Variants in COG5 observed in about 807,000 individuals in gnomAD.
COG5 encodes component of oligomeric golgi complex 5, also known as conserved oligomeric Golgi complex subunit 5.
In COG5, 86 loss-of-function variants were observed where a neutral mutation model predicts 110.4. The ratio of observed to expected loss-of-function variants is 0.78; its 90% CI spans 0.65 to 0.93. COG5 has a LOEUF of 0.93. COG5 is among the 40% of genes least tolerant of loss of function. COG5 has a pLI of 0.00. For synonymous variants in COG5, 360 were observed against 334.6 expected, an observed-to-expected ratio of 1.08 and a Z score of -0.83; for missense variants, 1,077 against 987.0, an observed-to-expected ratio of 1.09 and a Z score of -1.22.
intron 11 of COG5, among the ~76,000 whole-genome samples, chr7:107,311,362 G>A (rs766510726): frequency 1.5e-5 from 2 of 130,826 alleles, no homozygotes; most frequent in South Asian, 2.5e-4. Flanking sequence ...GATATCGAGC[G>A]TATTTACATT....
chr7:107,493,391 C>T (rs1219315429), intron 6 of COG5, among the ~76,000 whole-genome samples: 1 of 152,124 alleles, frequency 6.6e-6, no homozygotes, highest in Non-Finnish European at 1.5e-5. Context: ...AAATACTGAG[C>T]AATTGTATCA....
At chr7:107,360,457 T>C (rs1584727276) in intron 10 of COG5, among the ~76,000 whole-genome samples, 1 of 152,060 alleles carries the variant, frequency 6.6e-6, no homozygotes, top group Non-Finnish European at 1.5e-5. Flanking sequence ...CTCACCACAT[T>C]CTGGGCAACA....
At chr7:107,470,647 T>C (rs1796580301) in intron 6 of COG5, among the ~76,000 whole-genome samples, 1 of 152,120 alleles carries the variant, frequency 6.6e-6, no homozygotes, top group African/African-American at 2.4e-5. Flanking sequence ...AATACAAATA[T>C]TCTTTGTAAA....
At chr7:107,365,495 A>C (rs1813519164) in intron 8 of COG5, among the ~76,000 whole-genome samples, 1 of 151,100 alleles carries the variant, frequency 6.6e-6, no homozygotes, top group Admixed American at 6.7e-5. Flanking sequence ...TGCTCTTAAA[A>C]CCAATTGTAA....
intron 10 of COG5, among the ~76,000 whole-genome samples, chr7:107,333,089 T>C (rs982447): frequency 0.21 from 31,573 of 151,994 alleles, 3,595 homozygotes; most frequent in East Asian, 0.33. Context: ...AAGTACAGTG[T>C]AAAAAACTTA....
intron 5 of COG5, among the ~76,000 whole-genome samples, chr7:107,543,100 A>G (rs185499750): frequency 6.6e-6 from 1 of 152,338 alleles, no homozygotes; most frequent in East Asian, 1.9e-4. Flanking sequence ...GAGTGACATT[A>G]GTAAGATGGC....
intron 6 of COG5, among the ~76,000 whole-genome samples, chr7:107,454,774 C>A (rs1424453178): frequency 1.3e-5 from 2 of 151,806 alleles, no homozygotes; most frequent in African/African-American, 4.8e-5. Flanking sequence ...CATGGGTTGG[C>A]AGATTTGTGA....
At chr7:107,442,643 T>TAA (rs35184301) in intron 6 of COG5, among the ~76,000 whole-genome samples, 14 of 129,564 alleles carry the variant, frequency 1.1e-4, no homozygotes, top group East Asian at 4.4e-4. Flanking sequence ...CAATTTCACC[T>TAA]AAAAAAAAAA....
chr7:107,342,363 C>A (rs972188857), intron 10 of COG5, among the ~76,000 whole-genome samples: 3 of 116,008 alleles, frequency 2.6e-5, no homozygotes, highest in Non-Finnish European at 1.8e-5. Context: ...AACAAACAAA[C>A]AAACCAAAAA....
At chr7:107,415,001 C>T (rs1792610076) in intron 6 of COG5, among the ~76,000 whole-genome samples, 2 of 152,026 alleles carry the variant, frequency 1.3e-5, no homozygotes, top group South Asian at 4.1e-4. Context: ...GCTGGGATTA[C>T]AGGCGTGAGC....
intron 6 of COG5, among the ~76,000 whole-genome samples, chr7:107,508,165 G>A (rs1396392066): frequency 6.6e-6 from 1 of 152,218 alleles, no homozygotes; most frequent in South Asian, 2.1e-4. Flanking sequence ...CTGGAAAATC[G>A]GGTAACTCCC....
intron 10 of COG5, among the ~76,000 whole-genome samples, chr7:107,357,068 C>A (rs1562986549): frequency 6.6e-6 from 1 of 152,184 alleles, no homozygotes; most frequent in African/African-American, 2.4e-5. Context: ...TATTTAGGGT[C>A]CCCAAATCAT....
At position 107,207,329 on chromosome 7, in the gene COG5, A is replaced by G. The variant is rs76291565; in HGVS notation, c.2375+3197T>C. 6.8e-3 allele frequency among the ~76,000 whole-genome samples: 1,029 copies of G among 152,278 alleles called. 4 individuals are homozygous for G. The highest frequency in any genetic ancestry group is 8.5e-3 in the Non-Finnish European group (577 of 68,016). On this transcript the variant is annotated intron_variant, in intron 21 of 21. Coordinates refer to ENST00000297135, the MANE Select transcript of COG5 (RefSeq NM_006348.5). ...ATGGAGATCTTGGGAGTTCTGCAGA[A>G]GTACAGAGGAGCTGAGGGAATGGCT...
intron 6 of COG5, among the ~76,000 whole-genome samples, chr7:107,490,877 T>C (rs117014023): frequency 8.4e-4 from 128 of 152,286 alleles, no homozygotes; most frequent in South Asian, 1.9e-3. Flanking sequence ...ATGAAGCCTC[T>C]AAAGTATTAG....
intron 14 of COG5, among the ~76,000 whole-genome samples, chr7:107,265,644 T>C (rs539922172): frequency 1.2e-4 from 19 of 152,364 alleles, no homozygotes; most frequent in Admixed American, 2.6e-4. Flanking sequence ...GTAAGACTTA[T>C]GATTAAATAT....
Position 107,511,204 on chromosome 7 carries a change from A to G in COG5, c.538+16033T>C, listed in dbSNP as rs577931542. On this transcript the variant is annotated intron_variant, in intron 6 of 21. Transcript: ENST00000297135. ...TCAAATAGATGCAATAAAAAATGAT[A>G]AAGGGGATATCACCACCGATCCCAC... is the stretch of plus-strand genomic sequence containing the variant. 9.8e-5 allele frequency among the ~76,000 whole-genome samples: 15 copies of G among 152,288 alleles called. No homozygotes were observed. The South Asian group carries it at 2.9e-3, about 29-fold the overall frequency.
At chr7:107,220,762 A>C (rs1007693590) in intron 19 of COG5, among the ~76,000 whole-genome samples, 1 of 151,490 alleles carries the variant, frequency 6.6e-6, no homozygotes, top group African/African-American at 2.4e-5. Context: ...TGGTGTGCCC[A>C]GGCCCTGAAA....
chr7:107,417,338 C>T (rs1254089174), intron 6 of COG5, among the ~76,000 whole-genome samples: 1 of 152,064 alleles, frequency 6.6e-6, no homozygotes, highest in Non-Finnish European at 1.5e-5. Flanking sequence ...TGTAATTATA[C>T]TTATTTACAA....
At chr7:107,210,960 C>G in intron 20 of COG5, 139 bp downstream of exon 20, 1 of 1,051,812 alleles carries the variant, frequency 9.5e-7, no homozygotes, top group Middle Eastern at 2.4e-4. Flanking sequence ...TTTCTAATAT[C>G]TATTCACTGT....
Sources: allele counts gnomAD v4.1 joint callset (sites outside exome capture counted in the v4.1 genomes callset), GRCh38; gene constraint gnomAD v4.1.1; transcripts MANE v1.5; gene names NCBI Gene and HGNC (gene_info 2026-07-23, HGNC 2026-07-21).